CDH18: variants seen among roughly 807,000 people sequenced by gnomAD.
CDH18 encodes cadherin-18.
In CDH18, 31 loss-of-function variants were observed where a neutral mutation model predicts 67.9. That is an observed-to-expected ratio of 0.46 (90% confidence interval 0.34 to 0.62). CDH18 has a LOEUF of 0.62. Among genes scored for constraint, CDH18 ranks in the 20% least tolerant of loss-of-function variants. CDH18 has a pLI of 0.01. For synonymous variants in CDH18, 362 were observed against 347.2 expected (o/e 1.04, Z -0.48); for missense variants, 890 against 975.5 (o/e 0.91, Z 1.17).
rs116550000 is a variant in CDH18, at chr5:20,294,025, G to C, written c.-579-38520C>G. 1.0e-3 allele frequency among the ~76,000 whole-genome samples: 156 copies of C among 152,246 alleles called. 1 individual carries two copies. Among genetic ancestry groups the C allele is most frequent in the African/African-American group, 3.6e-3 (150 of 41,542 alleles). ...ATAGGACCCCAATAAATATTTTAAT[G>C]AATATGTACTGCTTGTTAAATAATA... On this transcript the variant is annotated intron_variant, in intron 1 of 14. Coordinates refer to the CDH18 transcript ENST00000507958.
At chr5:20,091,008 C>G (rs1215459611) in intron 2 of CDH18, among the ~76,000 whole-genome samples, 1 of 151,364 alleles carries the variant, frequency 6.6e-6, no homozygotes, top group South Asian at 2.1e-4. Flanking sequence ...TGAGATTGCA[C>G]CACTGTACAC....
chr5:20,108,792 A>G (rs1165118281), intron 2 of CDH18, among the ~76,000 whole-genome samples: 1 of 152,162 alleles, frequency 6.6e-6, no homozygotes, highest in Non-Finnish European at 1.5e-5. Context: ...CGTGACAGTA[A>G]GGTGTGTTTT....
At chr5:20,169,328 T>C in intron 2 of CDH18, among the ~76,000 whole-genome samples, 1 of 152,106 alleles carries the variant, frequency 6.6e-6, no homozygotes. Flanking sequence ...TTAAATAAAA[T>C]GGAAAGTTAT....
chr5:20,446,520 T>C (rs537962951), intron 1 of CDH18, among the ~76,000 whole-genome samples: 1 of 151,998 alleles, frequency 6.6e-6, no homozygotes, highest in Admixed American at 6.6e-5. Context: ...CAAGAAAAGG[T>C]GCATTAAAGA....
intron 2 of CDH18, among the ~76,000 whole-genome samples, chr5:20,137,158 G>C (rs1423569707): frequency 6.6e-6 from 1 of 152,068 alleles, no homozygotes; most frequent in Non-Finnish European, 1.5e-5. Flanking sequence ...GTTCTCCCGG[G>C]TAATATCCTG....
intron 5 of CDH18, among the ~76,000 whole-genome samples, chr5:19,635,297 A>C (rs2150197809): frequency 6.6e-6 from 1 of 152,118 alleles, no homozygotes; most frequent in South Asian, 2.1e-4. Context: ...ACTACTGGGA[A>C]CCTTTTTGAC....
At chr5:20,111,607 C>T (rs781347349) in intron 2 of CDH18, among the ~76,000 whole-genome samples, 6 of 129,390 alleles carry the variant, frequency 4.6e-5, no homozygotes, top group Non-Finnish European at 3.1e-5. Context: ...AGTGCTGGTG[C>T]GATCTCAGCT....
chr5:20,471,592 G>A (rs1323399452), intron 1 of CDH18, among the ~76,000 whole-genome samples: 1 of 151,840 alleles, frequency 6.6e-6, no homozygotes, highest in Admixed American at 6.6e-5. Context: ...ACAAGGTCAG[G>A]AGTTCAAGAC....
intron 2 of CDH18, among the ~76,000 whole-genome samples, chr5:19,864,970 A>G (rs923949344): frequency 1.3e-5 from 2 of 152,154 alleles, no homozygotes; most frequent in Non-Finnish European, 2.9e-5. Flanking sequence ...CCCTGGACAG[A>G]CAAGTCTGAA....
At chr5:19,693,511 C>CT (rs1274827739) in intron 5 of CDH18, among the ~76,000 whole-genome samples, 2 of 152,268 alleles carry the variant, frequency 1.3e-5, no homozygotes, top group Admixed American at 6.5e-5. Flanking sequence ...CTGGAAAATT[C>CT]TTGGTGCCTG....
chr5:19,695,923 G>T (rs1435884640), intron 5 of CDH18, among the ~76,000 whole-genome samples: 1 of 152,116 alleles, frequency 6.6e-6, no homozygotes, highest in East Asian at 1.9e-4. Context: ...TATCAAATAA[G>T]ATGATCTATT....
intron 5 of CDH18, among the ~76,000 whole-genome samples, chr5:19,699,720 A>T (rs551124150): frequency 1.3e-5 from 2 of 151,764 alleles, no homozygotes; most frequent in African/African-American, 2.4e-5. Context: ...GAAAGTAGTC[A>T]TCTATAAATC....
At chr5:20,503,069 T>G (rs1006441003) in intron 1 of CDH18, among the ~76,000 whole-genome samples, 1 of 152,166 alleles carries the variant, frequency 6.6e-6, no homozygotes, top group Non-Finnish European at 1.5e-5. Context: ...AATGTAGTGC[T>G]GCAAATAGAC....
chr5:19,972,064 A>G (rs1156584302), intron 2 of CDH18, among the ~76,000 whole-genome samples: 1 of 152,102 alleles, frequency 6.6e-6, no homozygotes, highest in Non-Finnish European at 1.5e-5. Context: ...GTAAACAAAG[A>G]TGATACAAAG....
At chr5:19,911,606 C>T (rs571113312) in intron 2 of CDH18, among the ~76,000 whole-genome samples, 4 of 151,968 alleles carry the variant, frequency 2.6e-5, no homozygotes, top group South Asian at 2.1e-4. Flanking sequence ...CCAAACCTCC[C>T]TTTCCCTGCT....
intron 1 of CDH18, among the ~76,000 whole-genome samples, chr5:20,545,254 A>G (rs922469225): frequency 1.2e-4 from 18 of 152,134 alleles, no homozygotes; most frequent in Admixed American, 1.2e-3. Context: ...TTCTAGGTTC[A>G]TGGTGCAAGT....
At chr5:20,351,250 T>G (rs1380085470) in intron 1 of CDH18, among the ~76,000 whole-genome samples, 1 of 115,388 alleles carries the variant, frequency 8.7e-6, no homozygotes, top group Non-Finnish European at 1.6e-5. Context: ...CCATGGGGGT[T>G]GTTTTTTTTT....
intron 2 of CDH18, among the ~76,000 whole-genome samples, chr5:19,922,933 T>C (rs1792666729): frequency 6.6e-6 from 1 of 152,176 alleles, no homozygotes; most frequent in Non-Finnish European, 1.5e-5. Flanking sequence ...ATATCTCCTC[T>C]CAAATATCCT....
At chr5:19,974,522 A>C (rs919110049) in intron 2 of CDH18, among the ~76,000 whole-genome samples, 269 of 32,406 alleles carry the variant, frequency 8.3e-3, no homozygotes, top group African/African-American at 0.032. Context: ...CTGTCTCCCA[A>C]AAAAAAAAAA....
Sources: gnomAD v4.1 joint callset for allele counts (sites outside exome capture counted in the v4.1 genomes callset) on GRCh38, gnomAD v4.1.1 for gene constraint, MANE v1.5 for transcripts, NCBI Gene and HGNC (gene_info 2026-07-23, HGNC 2026-07-21) for gene names.